The following PRKD3 variants were observed in gnomAD, a reference collection of about 807,000 sequenced individuals.
PRKD3 encodes the protein serine/threonine-protein kinase D3.
PRKD3 carries 47 observed loss-of-function variants against 99.2 expected under a neutral mutation model. The ratio of observed to expected loss-of-function variants is 0.47; its 90% CI spans 0.38 to 0.60. The LOEUF (loss-of-function observed/expected upper bound fraction) is 0.60, where lower values mean the gene tolerates loss of function less well. PRKD3 is among the 20% of genes least tolerant of loss of function. The pLI, the probability that PRKD3 is intolerant of heterozygous loss-of-function variation, is 0.00. For synonymous variants in PRKD3, 392 were observed against 355.4 expected (o/e 1.10, Z -1.16); for missense variants, 1,019 against 1,088.4 (o/e 0.94, Z 0.90).
intron 6 of PRKD3, 31 bp downstream of exon 6, chr2:37,286,146 A>T (rs747141185): frequency 6.6e-7 from 1 of 1,517,434 alleles, no homozygotes; most frequent in African/African-American, 1.4e-5. Context: ...AACAGACATA[A>T]ATTTTAATTA....
intron 6 of PRKD3, among the ~76,000 whole-genome samples, chr2:37,285,881 A>G (rs10201396): frequency 0.097 from 14,799 of 152,128 alleles, 1,130 homozygotes; most frequent in East Asian, 0.35. Flanking sequence ...AGTAATAGTA[A>G]CTCCTATTAC....
At chr2:37,299,240 G>A (rs1387439541) in intron 2 of PRKD3, among the ~76,000 whole-genome samples, 1 of 152,042 alleles carries the variant, frequency 6.6e-6, no homozygotes, top group Non-Finnish European at 1.5e-5. Flanking sequence ...TTAATGATTT[G>A]CGTATGCTGA....
At chr2:37,286,809 TTAA>T (rs1670116398) in intron 5 of PRKD3, among the ~76,000 whole-genome samples, 1 of 152,212 alleles carries the variant, frequency 6.6e-6, no homozygotes, top group Non-Finnish European at 1.5e-5. Context: ...TTAAGTCTAA[TTAA>T]TAATGATAAA....
chr2:37,269,594 C>T lies in PRKD3; in HGVS notation c.1777+21G>A, dbSNP rs199999397. 6.1e-4 allele frequency: 969 copies of T among 1,588,210 alleles called. 7 individuals are homozygous for T. In the African/African-American group the frequency reaches 7.4e-3, roughly 12 times the overall value. On this transcript the variant is annotated intron_variant, in intron 13 of 18. Transcript: ENST00000234179. ...TTTTTAAAATAATGTGTACAATATG[C>T]AAACGGCTGTAGTTGCTTACCTCCA...
Position 37,304,966 on chromosome 2 carries a change from TTTC to T in PRKD3, c.288+11268_288+11270del, listed in dbSNP as rs376235439. Among the ~76,000 whole-genome samples, 372 of 100,696 alleles carry T rather than the reference TTTC, an allele frequency of 3.7e-3. 3 individuals carry two copies. The highest frequency in any genetic ancestry group is 0.012 in the African/African-American group (360 of 28,820). The allele number at this position is 100,696 out of a possible 152,430, so 66.1% of individuals were successfully genotyped here. A position where few individuals can be genotyped will look rare whatever the true frequency, so the allele number is the denominator to read the frequency against. On this transcript the variant is annotated intron_variant, in intron 2 of 18. Transcript: ENST00000234179. ...GATGAATAGTAGAATTAAAAAAAAA[TTTC>T]TTCTTCCAGTTTGAGCTTTCAGATT...
intron 14 of PRKD3, among the ~76,000 whole-genome samples, chr2:37,262,998 C>T (rs1430620893): frequency 6.6e-6 from 1 of 151,924 alleles, no homozygotes. Flanking sequence ...TTCCCCCACA[C>T]AGCAAACCAG....
intron 2 of PRKD3, among the ~76,000 whole-genome samples, chr2:37,296,878 C>A (rs1670698542): frequency 1.6e-5 from 2 of 125,230 alleles, no homozygotes; most frequent in African/African-American, 3.1e-5. Context: ...CCAGCCTGGG[C>A]GACAAAGCGT....
chr2:37,300,776 T>A (rs1262530148), intron 2 of PRKD3, among the ~76,000 whole-genome samples: 2 of 152,218 alleles, frequency 1.3e-5, no homozygotes, highest in Non-Finnish European at 2.9e-5. Flanking sequence ...CCTATGTACA[T>A]ATCTTTTCCC....
rs1558534015 is a variant in PRKD3, at chr2:37,265,884, A to AT, written c.1884+1545dup. ...ATTTAGTTATTATGATCCATAGCTG[A>AT]TAAGAGGAAAAAAGCTTCAGTGCTT... is the stretch of plus-strand genomic sequence containing the variant. On this transcript the variant is annotated intron_variant, in intron 14 of 18. Coordinates refer to ENST00000234179, the MANE Select transcript of PRKD3 (RefSeq NM_005813.6). Among the ~76,000 whole-genome samples the AT allele has an allele frequency of 4.6e-5, 7 of 152,304 alleles. No individual in the cohort carries two copies. The Middle Eastern group carries it at 0.017, about 370-fold the overall frequency.
intron 6 of PRKD3, among the ~76,000 whole-genome samples, chr2:37,284,987 T>C (rs1670025782): frequency 6.6e-6 from 1 of 152,292 alleles, no homozygotes; most frequent in East Asian, 1.9e-4. Context: ...TATATACAAT[T>C]ATCTTACTCT....
At chr2:37,308,890 T>C (rs572933418) in intron 2 of PRKD3, among the ~76,000 whole-genome samples, 3 of 152,170 alleles carry the variant, frequency 2.0e-5, no homozygotes, top group Non-Finnish European at 2.9e-5. Flanking sequence ...TAAAAGTACC[T>C]TGTGCTTATC....
intron 1 of PRKD3, among the ~76,000 whole-genome samples, chr2:37,321,918 C>T (rs941628435): frequency 6.6e-6 from 1 of 152,156 alleles, no homozygotes; most frequent in African/African-American, 2.4e-5. Flanking sequence ...TTATTTAGTG[C>T]AGCATCATTC....
chr2:37,280,362 TAAAG>T lies in PRKD3; in HGVS notation c.989-437_989-434del, dbSNP rs555444600. Among the ~76,000 whole-genome samples the T allele has an allele frequency of 2.9e-3, 442 of 152,216 alleles. 2 individuals are homozygous for T. Among genetic ancestry groups the T allele is most frequent in the African/African-American group, 1.0e-2 (415 of 41,538 alleles). ...GCCTGGCCTAAGATAAAGTATTTCT[TAAAG>T]AAGATAAAAAATACACAAATCATAA... On this transcript the variant is annotated intron_variant, in intron 7 of 18. Transcript: ENST00000234179.
At chr2:37,323,222 G>C (rs973907307) in intron 1 of PRKD3, among the ~76,000 whole-genome samples, 17 of 148,816 alleles carry the variant, frequency 1.1e-4, no homozygotes, top group Non-Finnish European at 1.6e-4. Context: ...CATTATCTAG[G>C]ATGCTTAAAA....
chr2:37,287,418 T>C (rs960120577), intron 5 of PRKD3, among the ~76,000 whole-genome samples: 3 of 151,942 alleles, frequency 2.0e-5, no homozygotes, highest in Non-Finnish European at 4.4e-5. Context: ...TCCCTTGCAC[T>C]TCTCTGTCTC....
At chr2:37,308,125 C>T (rs540816389) in intron 2 of PRKD3, among the ~76,000 whole-genome samples, 3 of 152,340 alleles carry the variant, frequency 2.0e-5, no homozygotes, top group Non-Finnish European at 2.9e-5. Flanking sequence ...ACATAACTCT[C>T]ATATCATTTG....
In PRKD3 at chr2:37,260,399, C is replaced by T. The variant is rs199872966; in HGVS notation, c.1885-15G>A. On this transcript the variant is annotated splice_polypyrimidine_tract_variant and intron_variant, in intron 14 of 18. Transcript: ENST00000234179. ...TGGTGCAAATTCTGAAGAGAGGTTG[C>T]AAGATACATGAGCAACTTAAGCAGA... The T allele has an allele frequency of 1.2e-6, 2 of 1,603,214 alleles. No homozygotes were observed. Among genetic ancestry groups the T allele is most frequent in the East Asian group, 2.2e-5 (1 of 44,778 alleles).
intron 17 of PRKD3, 23 bp from the exon 18 acceptor site, chr2:37,254,312 A>C: frequency 6.3e-7 from 1 of 1,593,560 alleles, no homozygotes; most frequent in Non-Finnish European, 8.6e-7. Flanking sequence ...ACAAAACAAG[A>C]TACATGAATT....
Position 37,317,019 on chromosome 2 carries a change from T to C in PRKD3, c.-495A>G, listed in dbSNP as rs1453302295. ...TAATTTGATAGGACACCTTCTCAAA[T>C]GTCCACACCTTAAATCACCTTCTCA... On this transcript the variant is annotated 5_prime_UTR_variant, in exon 2 of 19. Coordinates refer to ENST00000234179, the MANE Select transcript of PRKD3 (RefSeq NM_005813.6). The C allele has an allele frequency of 4.2e-5, 41 of 986,724 alleles. No individual in the cohort carries two copies. The highest frequency in any genetic ancestry group is 4.7e-5 in the Non-Finnish European group (39 of 831,006). The allele number at this position is 986,724 out of a possible 1,614,324, so 61.1% of individuals were successfully genotyped here.
Sources: gnomAD v4.1 joint callset for allele counts (sites outside exome capture counted in the v4.1 genomes callset) on GRCh38, gnomAD v4.1.1 for gene constraint, MANE v1.5 for transcripts, NCBI Gene and HGNC (gene_info 2026-07-23, HGNC 2026-07-21) for gene names.